PRKAR1B: variants seen among roughly 807,000 people sequenced by gnomAD.
The protein encoded by PRKAR1B is cAMP-dependent protein kinase type I-beta regulatory subunit.
A neutral mutation model predicts 46.5 loss-of-function variants in PRKAR1B; 22 were observed. That is an observed-to-expected ratio of 0.47 (90% CI 0.34 to 0.68). The LOEUF (loss-of-function observed/expected upper bound fraction) is 0.68, where lower values mean the gene tolerates loss of function less well. Among genes scored for constraint, PRKAR1B ranks in the 30% least tolerant of loss-of-function variants. PRKAR1B has a pLI of 0.01. For synonymous variants in PRKAR1B, 259 were observed against 217.7 expected (o/e 1.19, Z -1.67); for missense variants, 445 against 535.6 (o/e 0.83, Z 1.67).
chr7:670,324 GCCAGGCCAGGGGA>G (rs770218934), intron 4 of PRKAR1B, among the ~76,000 whole-genome samples: 4 of 152,128 alleles, frequency 2.6e-5, no homozygotes, highest in Non-Finnish European at 4.4e-5. Context: ...CTGCAACCAC[GCCAGGCCAGGGGA>G]CCAGTCCATG....
At chr7:582,129 G>A (rs982627389) in intron 8 of PRKAR1B, among the ~76,000 whole-genome samples, 3 of 152,232 alleles carry the variant, frequency 2.0e-5, no homozygotes, top group East Asian at 1.9e-4. Flanking sequence ...TGCAGCCACA[G>A]GACGAGACGT....
At chr7:711,855 G>A (rs370482340) in intron 1 of PRKAR1B, among the ~76,000 whole-genome samples, 8 of 151,520 alleles carry the variant, frequency 5.3e-5, no homozygotes, top group East Asian at 2.0e-4. Flanking sequence ...GGGGCCCGGC[G>A]CCCTGAGGGT....
At chr7:665,970 G>T (rs1785897643) in intron 4 of PRKAR1B, among the ~76,000 whole-genome samples, 1 of 152,218 alleles carries the variant, frequency 6.6e-6, no homozygotes, top group Admixed American at 6.6e-5. Context: ...GCAGCAGAGA[G>T]CTGGAGCCAC....
chr7:682,441 C>T (rs1337940593), intron 2 of PRKAR1B, among the ~76,000 whole-genome samples: 1 of 151,952 alleles, frequency 6.6e-6, no homozygotes, highest in Non-Finnish European at 1.5e-5. Context: ...CATAGTGAGA[C>T]CATAACTCAA....
chr7:581,113 C>T (rs190250822), intron 8 of PRKAR1B, among the ~76,000 whole-genome samples: 227 of 152,244 alleles, frequency 1.5e-3, no homozygotes, highest in African/African-American at 5.1e-3. Flanking sequence ...ACCATCCTGG[C>T]TAACACGGTG....
intron 1 of PRKAR1B, among the ~76,000 whole-genome samples, chr7:712,077 G>A (rs1229520698): frequency 1.3e-5 from 2 of 151,728 alleles, no homozygotes; most frequent in Admixed American, 6.6e-5. Context: ...GGTGGGGTGC[G>A]GGAGAACAAA....
chr7:672,945 T>C (rs4548064), intron 4 of PRKAR1B, among the ~76,000 whole-genome samples: 44,004 of 149,164 alleles, frequency 0.3, 7,308 homozygotes, highest in African/African-American at 0.44. Flanking sequence ...TTCAGGAAGT[T>C]GAGGTAGGAG....
intron 2 of PRKAR1B, among the ~76,000 whole-genome samples, chr7:686,116 C>T (rs1779082179): frequency 2.0e-5 from 3 of 151,932 alleles, no homozygotes; most frequent in Admixed American, 2.0e-4. Context: ...CTGGCTAACA[C>T]AGTGAAACCC....
At position 549,779 on chromosome 7, in the gene PRKAR1B, G is replaced by A. The variant is rs947623883; in HGVS notation, c.*651C>T. On this transcript the variant is annotated 3_prime_UTR_variant, in exon 11 of 11. Transcript: ENST00000537384. The stretch of plus-strand genomic sequence containing the variant: ...CTGGCTCCCAAGGCAGGAGCCCCGT[G>A]TGTCTTGGCGCCCGGCTTCCTCTCC... The A allele has an allele frequency of 1.3e-5, 2 of 152,458 alleles. No individual in the cohort carries two copies. Among genetic ancestry groups the A allele is most frequent in the Admixed American group, 6.5e-5 (1 of 15,320 alleles). The allele number at this position is 152,458 out of a possible 1,614,324, so 9.4% of individuals were successfully genotyped here.
chr7:685,365 C>CGTATATATACACACATACAT (rs1779023732), intron 2 of PRKAR1B, among the ~76,000 whole-genome samples: 1 of 41,548 alleles, frequency 2.4e-5, no homozygotes, highest in Non-Finnish European at 4.1e-5. Context: ...TATATATATA[C>CGTATATATACACACATACAT]ACATATATAT....
chr7:693,798 G>A (rs1252388432), intron 2 of PRKAR1B, among the ~76,000 whole-genome samples: 1 of 152,196 alleles, frequency 6.6e-6, no homozygotes. Flanking sequence ...GTCACTGCAT[G>A]TTTAACTTTC....
At chr7:727,984 C>A (rs1239000120), upstream of PRKAR1B, among the ~76,000 whole-genome samples, 4 of 151,942 alleles carry the variant, frequency 2.6e-5, no homozygotes, top group African/African-American at 9.7e-5. Flanking sequence ...TGAGGGCACG[C>A]GCTTTGAGAC....
intron 4 of PRKAR1B, among the ~76,000 whole-genome samples, chr7:640,064 G>A (rs1335528856): frequency 6.6e-6 from 1 of 151,684 alleles, no homozygotes; most frequent in Non-Finnish European, 1.5e-5. Flanking sequence ...TCAGGAGGCT[G>A]AGGAAGGAGA....
intron 1 of PRKAR1B, among the ~76,000 whole-genome samples, chr7:726,177 C>T (rs1781262180): frequency 6.6e-6 from 1 of 152,224 alleles, no homozygotes. Flanking sequence ...GCGAGTAAGG[C>T]GAACCTATTG....
intron 9 of PRKAR1B, among the ~76,000 whole-genome samples, chr7:552,803 G>A (rs1181684451): frequency 6.6e-6 from 1 of 152,350 alleles, no homozygotes; most frequent in East Asian, 1.9e-4. Flanking sequence ...CAACTCTCAA[G>A]GACTGGGAGC....
At chr7:663,028 C>G (rs1583381326) in intron 4 of PRKAR1B, among the ~76,000 whole-genome samples, 1 of 152,230 alleles carries the variant, frequency 6.6e-6, no homozygotes, top group East Asian at 1.9e-4. Context: ...GAAAGAGGCC[C>G]CAAGACACTC....
chr7:686,767 A>G (rs1183917810), intron 2 of PRKAR1B, among the ~76,000 whole-genome samples: 1 of 152,112 alleles, frequency 6.6e-6, no homozygotes, highest in African/African-American at 2.4e-5. Flanking sequence ...CAAGGAGAAG[A>G]CAGAAACCCA....
At chr7:701,054 G>A (rs1292723401) in intron 2 of PRKAR1B, among the ~76,000 whole-genome samples, 2 of 152,040 alleles carry the variant, frequency 1.3e-5, no homozygotes, top group African/African-American at 4.8e-5. Context: ...TGGGCATGGT[G>A]GTGCGCATCT....
At chr7:586,704 A>C (rs1780621724) in intron 7 of PRKAR1B, among the ~76,000 whole-genome samples, 1 of 152,204 alleles carries the variant, frequency 6.6e-6, no homozygotes, top group Admixed American at 6.5e-5. Flanking sequence ...ACAGCTAACT[A>C]ATACATCCAG....
Sources: gnomAD v4.1 joint callset for allele counts (sites outside exome capture counted in the v4.1 genomes callset) on GRCh38, gnomAD v4.1.1 for gene constraint, MANE v1.5 for transcripts, NCBI Gene and HGNC (gene_info 2026-07-23, HGNC 2026-07-21) for gene names.